DIP2C: variants seen among roughly 807,000 people sequenced by gnomAD.
DIP2C encodes DIP2 acetate--CoA ligase C (putative), also known as disco-interacting protein 2 homolog C.
Under a neutral mutation model 192.4 loss-of-function variants are expected in DIP2C, and 33 were observed. The observed-to-expected ratio is 0.17, with a 90% CI of 0.13 to 0.23. The LOEUF is 0.23. Among genes scored for constraint, DIP2C ranks in the 10% least tolerant of loss-of-function variants. DIP2C has a pLI of 1.00. For synonymous variants in DIP2C, 979 were observed against 864.1 expected (o/e 1.13, Z -2.33); for missense variants, 1,537 against 2,110.1 (o/e 0.73, Z 5.32).
chr10:552,621 C>T (rs1383204671), intron 1 of DIP2C, among the ~76,000 whole-genome samples: 3 of 152,308 alleles, frequency 2.0e-5, no homozygotes, highest in East Asian at 1.9e-4. Context: ...GAGGCCGAGG[C>T]GGGCGGATCA....
intron 6 of DIP2C, among the ~76,000 whole-genome samples, 169 bp downstream of exon 6, chr10:418,896 A>G (rs1448038079): frequency 1.3e-5 from 2 of 152,216 alleles, no homozygotes; most frequent in African/African-American, 4.8e-5. Flanking sequence ...GAATATTTGC[A>G]TTTTTGTGGC....
rs11326825 is a variant in DIP2C, at chr10:495,570, C to CA, written c.86-9041dup. On this transcript the variant is annotated intron_variant, in intron 1 of 36. Transcript: ENST00000280886. ...TTCTTCTAGCGACTCTCTCAGTGAA[C>CA]AAAAAAAAAAAAATAAAGCATGCTG... 2.5e-3 allele frequency among the ~76,000 whole-genome samples: 355 copies of CA among 139,434 alleles called. 2 individuals carry two copies. The Middle Eastern group carries it at 0.029, about 11-fold the overall frequency. The allele number at this position is 139,434 out of a possible 152,430, so 91.5% of individuals were successfully genotyped here.
At chr10:307,018 C>A (rs1262823576) in intron 32 of DIP2C, among the ~76,000 whole-genome samples, 1 of 152,144 alleles carries the variant, frequency 6.6e-6, no homozygotes, top group African/African-American at 2.4e-5. Context: ...CTACCAGCTC[C>A]CGGGAGAGCC....
chr10:469,771 C>A (rs1285962652), intron 3 of DIP2C, among the ~76,000 whole-genome samples: 2 of 152,198 alleles, frequency 1.3e-5, no homozygotes, highest in Non-Finnish European at 2.9e-5. Flanking sequence ...TAGTGGATCC[C>A]ATCATCTTCA....
intron 1 of DIP2C, among the ~76,000 whole-genome samples, chr10:550,429 C>T (rs1025779876): frequency 2.6e-4 from 39 of 152,174 alleles, no homozygotes; most frequent in African/African-American, 4.6e-4. Context: ...GGTAGAGAGA[C>T]GCTGCAGTTC....
At chr10:605,640 G>A (rs893173193) in intron 1 of DIP2C, among the ~76,000 whole-genome samples, 2 of 152,120 alleles carry the variant, frequency 1.3e-5, no homozygotes, top group South Asian at 2.1e-4. Context: ...GATTCCTGAC[G>A]CCTGCCTGAA....
intron 1 of DIP2C, among the ~76,000 whole-genome samples, chr10:533,175 G>T (rs776555637): frequency 6.6e-5 from 10 of 152,148 alleles, no homozygotes; most frequent in Admixed American, 3.3e-4. Flanking sequence ...ACCCTCCCTC[G>T]ACGAAGCCTA....
chr10:486,416 G>A (rs1048728341), intron 2 of DIP2C, 43 bp downstream of exon 2: 2 of 1,521,404 alleles, frequency 1.3e-6, no homozygotes, highest in Non-Finnish European at 1.8e-6. Context: ...CATAGTGAAT[G>A]CGGGAAATGA....
intron 3 of DIP2C, among the ~76,000 whole-genome samples, chr10:455,442 G>C (rs1437967240): frequency 1.0e-5 from 1 of 97,326 alleles, no homozygotes; most frequent in East Asian, 2.8e-4. Flanking sequence ...AGGGGAGACC[G>C]TGAGGAGTAA....
intron 1 of DIP2C, among the ~76,000 whole-genome samples, chr10:680,340 G>C (rs187308567): frequency 6.6e-6 from 1 of 152,304 alleles, no homozygotes; most frequent in South Asian, 2.1e-4. Context: ...TGCAGCACTG[G>C]GCCAAGCGAG....
intron 1 of DIP2C, among the ~76,000 whole-genome samples, chr10:488,680 C>G (rs1039883767): frequency 6.6e-6 from 1 of 152,190 alleles, no homozygotes; most frequent in African/African-American, 2.4e-5. Context: ...TCCTGCTTTG[C>G]CCTCTCCCAG....
chr10:390,216 T>G lies in DIP2C; in HGVS notation c.1494+48A>C, dbSNP rs187478400. 4.3e-4 allele frequency: 682 copies of G among 1,599,962 alleles called. 2 individuals are homozygous for G. Among genetic ancestry groups the G allele is most frequent in the Non-Finnish European group, 5.4e-4 (629 of 1,167,292 alleles). ...TGTAACCGTCAGAAACACACGTTAGTGCCAAGGCCACACTCAGGGCCAGTG... is the reference window on the plus strand; with the variant it reads ...TGTAACCGTCAGAAACACACGTTAGGGCCAAGGCCACACTCAGGGCCAGTG... On this transcript the variant is annotated intron_variant, in intron 12 of 36. Transcript: ENST00000280886.
Position 414,126 on chromosome 10 carries a change from A to G in DIP2C, c.860-16T>C. 1 of 1,596,444 alleles carries G rather than the reference A, an allele frequency of 6.3e-7. No individual in the cohort carries two copies. The highest frequency in any genetic ancestry group is 1.3e-5 in the African/African-American group (1 of 74,592). ...GGTTGTTGAACTAAATCGTTTGAAT[A>G]CAAGAGGTTACAAGAGAAATGCATC... On this transcript the variant is annotated splice_polypyrimidine_tract_variant and intron_variant, in intron 7 of 36. Transcript: ENST00000280886.
In DIP2C at chr10:414,735, G is replaced by GTATATATATATA. The variant is rs1377828086; in HGVS notation, c.860-626_860-625insTATATATATATA. Among the ~76,000 whole-genome samples the GTATATATATATA allele has an allele frequency of 3.0e-4, 16 of 53,082 alleles. No individual in the cohort carries two copies. In the South Asian group the frequency reaches 6.1e-3, roughly 20 times the overall value. The allele number at this position is 53,082 out of a possible 152,430, so 34.8% of individuals were successfully genotyped here. A position where few individuals can be genotyped will look rare whatever the true frequency, so the allele number is the denominator to read the frequency against. The stretch of plus-strand genomic sequence containing the variant: ...TGTGTGTGTGTGTGTGTGTGTGTGT[G>GTATATATATATA]TGTGTACATATATATATATATAATG... On this transcript the variant is annotated intron_variant, in intron 7 of 36. Coordinates refer to ENST00000280886, the MANE Select transcript of DIP2C (RefSeq NM_014974.3).
intron 8 of DIP2C, among the ~76,000 whole-genome samples, chr10:410,521 A>C (rs1230513756): frequency 6.6e-6 from 1 of 152,232 alleles, no homozygotes; most frequent in African/African-American, 2.4e-5. Flanking sequence ...GATATAATTC[A>C]GGGAGTATTT....
chr10:310,677 T>G (rs1000735302), intron 31 of DIP2C, among the ~76,000 whole-genome samples: 3 of 152,226 alleles, frequency 2.0e-5, no homozygotes, highest in Non-Finnish European at 4.4e-5. Flanking sequence ...CAGGACTTTG[T>G]GGTCTGAGCC....
intron 1 of DIP2C, among the ~76,000 whole-genome samples, chr10:487,250 G>A (rs1309057374): frequency 1.3e-5 from 2 of 152,192 alleles, no homozygotes; most frequent in Admixed American, 6.5e-5. Context: ...CTCATTCGCT[G>A]TTCATTTTTT....
intron 24 of DIP2C, among the ~76,000 whole-genome samples, chr10:351,500 T>G (rs1958808991): frequency 6.6e-6 from 1 of 152,246 alleles, no homozygotes; most frequent in Non-Finnish European, 1.5e-5. Flanking sequence ...TCCTGCCGCC[T>G]GTGGCTGGTC....
intron 18 of DIP2C, 79 bp downstream of exon 18, chr10:369,415 G>A: frequency 6.8e-7 from 1 of 1,459,994 alleles, no homozygotes; most frequent in Middle Eastern, 1.9e-4. Flanking sequence ...CGGGAACGTG[G>A]GAACGCAGGC....
Sources: gnomAD v4.1 joint callset for allele counts (sites outside exome capture counted in the v4.1 genomes callset) on GRCh38, gnomAD v4.1.1 for gene constraint, MANE v1.5 for transcripts, NCBI Gene and HGNC (gene_info 2026-07-23, HGNC 2026-07-21) for gene names.